MAP2K5: variants seen among roughly 807,000 people sequenced by gnomAD.
The protein encoded by MAP2K5 is mitogen-activated protein kinase kinase 5.
A neutral mutation model predicts 83.1 loss-of-function variants in MAP2K5; 49 were observed. The ratio of observed to expected loss-of-function variants is 0.59; its 90% CI spans 0.47 to 0.75. The LOEUF (loss-of-function observed/expected upper bound fraction) is 0.75. Ranked by LOEUF, MAP2K5 falls within the 30% of genes least tolerant of loss-of-function variation. MAP2K5 has a pLI of 0.00. For synonymous variants in MAP2K5, 202 were observed against 191.8 expected, an observed-to-expected ratio of 1.05 and a Z score of -0.44; for missense variants, 457 against 557.5, an observed-to-expected ratio of 0.82 and a Z score of 1.82.
chr15:67,694,957 T>G (rs1433715982), intron 15 of MAP2K5, among the ~76,000 whole-genome samples: 1 of 151,998 alleles, frequency 6.6e-6, no homozygotes, highest in Non-Finnish European at 1.5e-5. Flanking sequence ...ATGTCCTTTG[T>G]AGGGACATGG....
chr15:67,631,780 C>T (rs948654994), intron 9 of MAP2K5, among the ~76,000 whole-genome samples: 3 of 152,198 alleles, frequency 2.0e-5, no homozygotes, highest in Non-Finnish European at 4.4e-5. Context: ...CATCTTAAAT[C>T]TCAGATTTCC....
At position 67,638,690 on chromosome 15, in the gene MAP2K5, C is replaced by G. The variant is rs1467987952; in HGVS notation, c.586-7541C>G. On this transcript the variant is annotated intron_variant, in intron 9 of 21. Coordinates refer to ENST00000178640, the MANE Select transcript of MAP2K5 (RefSeq NM_145160.3). The surrounding 1 kb of genome is among the most constrained non-coding windows in gnomAD (Gnocchi z 4.5). ...TTGAACTAATTTACACTCCTTCCAA[C>G]AGTATATAAGCATTCCTTTTTCTCC... Among the ~76,000 whole-genome samples the G allele has an allele frequency of 6.6e-6, 1 of 152,200 alleles. No homozygotes were observed. Among genetic ancestry groups the G allele is most frequent in the African/African-American group, 2.4e-5 (1 of 41,450 alleles).
intron 9 of MAP2K5, among the ~76,000 whole-genome samples, chr15:67,635,078 G>A (rs960062094): frequency 2.6e-5 from 4 of 151,622 alleles, no homozygotes; most frequent in East Asian, 1.9e-4. Context: ...TTACAGTGGT[G>A]TATTTTCATT....
chr15:67,649,377 G>A (rs2086903131), intron 11 of MAP2K5, among the ~76,000 whole-genome samples: 1 of 151,038 alleles, frequency 6.6e-6, no homozygotes, highest in Admixed American at 6.6e-5. Flanking sequence ...TTTTTGAGCT[G>A]CGGTCTCATT....
In MAP2K5 at chr15:67,748,356, A is replaced by G. The variant is rs2089649432; in HGVS notation, c.1101+99A>G. On this transcript the variant is annotated intron_variant, in intron 18 of 21. Coordinates refer to ENST00000178640, the MANE Select transcript of MAP2K5 (RefSeq NM_145160.3). The surrounding 1 kb of genome is among the most constrained non-coding windows in gnomAD (Gnocchi z 4.0). ...CCTTGTTTTAAACTTAGCAAATTGC[A>G]TTTTGAAGAAAATGCAAACCTTTAA... 2 of 1,119,352 alleles carry G rather than the reference A, an allele frequency of 1.8e-6. No homozygotes were observed. The highest frequency in any genetic ancestry group is 2.7e-6 in the Non-Finnish European group (2 of 748,596). 69.3% of individuals were successfully genotyped at this position (1,119,352 alleles called of 1,614,324 possible).
intron 17 of MAP2K5, among the ~76,000 whole-genome samples, chr15:67,739,760 C>G (rs1041957200): frequency 3.3e-5 from 5 of 151,934 alleles, no homozygotes; most frequent in Non-Finnish European, 7.4e-5. Context: ...GGATTACAGG[C>G]ATGAGCCACT....
intron 13 of MAP2K5, among the ~76,000 whole-genome samples, chr15:67,667,784 G>A (rs940591518): frequency 1.3e-5 from 2 of 152,142 alleles, no homozygotes; most frequent in Admixed American, 6.6e-5. Flanking sequence ...CTTGGAATAC[G>A]GTGGTCCAGA....
In MAP2K5 at chr15:67,565,189, C is replaced by G. The variant is rs189250505; in HGVS notation, c.252+1839C>G. Among the ~76,000 whole-genome samples, 255 of 152,244 alleles carry G rather than the reference C, an allele frequency of 1.7e-3. 1 individual carries two copies. The highest frequency in any genetic ancestry group is 2.7e-3 in the Admixed American group (41 of 15,290). ...TTACTGTTTTACACTGTCTCTCCCC[C>G]ACCTTCCTCTTTGCAGGATTTTTTT... On this transcript the variant is annotated intron_variant, in intron 3 of 21. Coordinates refer to ENST00000178640, the MANE Select transcript of MAP2K5 (RefSeq NM_145160.3). This position sits in a 1 kb window ranked among gnomAD's most constrained non-coding sequence, Gnocchi z 4.1.
chr15:67,731,296 G>A (rs2141251434), intron 17 of MAP2K5, among the ~76,000 whole-genome samples: 2 of 152,280 alleles, frequency 1.3e-5, no homozygotes, highest in South Asian at 4.1e-4. Context: ...TACCCAGTGA[G>A]GTCGCAGAGA....
At chr15:67,648,271 T>G (rs2086873110) in intron 11 of MAP2K5, among the ~76,000 whole-genome samples, 1 of 152,226 alleles carries the variant, frequency 6.6e-6, no homozygotes, top group African/African-American at 2.4e-5. Context: ...CTGATTTATC[T>G]TCTGTCTCTA....
At chr15:67,626,001 AT>A (rs890267827) in intron 8 of MAP2K5, among the ~76,000 whole-genome samples, 6 of 152,178 alleles carry the variant, frequency 3.9e-5, no homozygotes, top group Non-Finnish European at 7.4e-5. Context: ...GGTGTTGCTT[AT>A]TCGAAGTAAC....
chr15:67,772,926 C>T (rs2090169070), intron 21 of MAP2K5, among the ~76,000 whole-genome samples, 174 bp downstream of exon 21: 1 of 152,154 alleles, frequency 6.6e-6, no homozygotes, highest in Non-Finnish European at 1.5e-5. Flanking sequence ...ATAGTGTTTA[C>T]TTTTTAAAAA....
intron 6 of MAP2K5, among the ~76,000 whole-genome samples, chr15:67,590,469 C>CTCTCTCTCTCTCTCTCTCAT: frequency 1.8e-4 from 3 of 16,840 alleles, no homozygotes; most frequent in Non-Finnish European, 4.5e-4. Flanking sequence ...CTCTCTCTCT[C>CTCTCTCTCTCTCTCTCTCAT]TCTCTCTTTG....
intron 11 of MAP2K5, among the ~76,000 whole-genome samples, chr15:67,657,726 A>C (rs1432021018): frequency 6.6e-6 from 1 of 151,968 alleles, no homozygotes; most frequent in Non-Finnish European, 1.5e-5. Flanking sequence ...GTAGCCATAT[A>C]TATATATATA....
rs756122864 is a variant in MAP2K5 at position 67,693,499 on chromosome 15, A to G, written c.922-19A>G. 1 of 1,598,560 alleles carries G rather than the reference A, an allele frequency of 6.3e-7. No individual in the cohort carries two copies. The highest frequency in any genetic ancestry group is 1.1e-5 in the South Asian group (1 of 90,044). On this transcript the variant is annotated intron_variant, in intron 14 of 21. Transcript: ENST00000178640. ...CACATTATCTTTATATTGTTCTAAC[A>G]GACTGTTTTGTCTCATAGCTGGTGA...
At chr15:67,642,623 G>A (rs1001944312) in intron 9 of MAP2K5, 2 of 691,278 alleles carry the variant, frequency 2.9e-6, no homozygotes, top group African/African-American at 1.8e-5. Context: ...AGGAGCAAAG[G>A]CTGTAAGTAG....
At position 67,640,477 on chromosome 15, in the gene MAP2K5, A is replaced by G. The variant is rs2086688356; in HGVS notation, c.586-5754A>G. On this transcript the variant is annotated intron_variant, in intron 9 of 21. Transcript: ENST00000178640. The surrounding 1 kb of genome is among the most constrained non-coding windows in gnomAD (Gnocchi z 4.6). ...TTCAAGCATGTCACTTGAACCTCCC[A>G]GTGACCTCAGCTGTGAAACGGGGCT... 3 of 503,178 alleles carry G rather than the reference A, an allele frequency of 6.0e-6. No homozygotes were observed. The highest frequency in any genetic ancestry group is 7.7e-6 in the Non-Finnish European group (3 of 389,042). 31.2% of individuals were successfully genotyped at this position (503,178 alleles called of 1,614,324 possible).
At chr15:67,723,440 A>T (rs904460506) in intron 16 of MAP2K5, among the ~76,000 whole-genome samples, 1 of 152,196 alleles carries the variant, frequency 6.6e-6, no homozygotes, top group East Asian at 1.9e-4. Context: ...TTAGTTGTTT[A>T]CTGCTATTTA....
At chr15:67,732,680 T>G (rs1404664224) in intron 17 of MAP2K5, among the ~76,000 whole-genome samples, 1 of 152,124 alleles carries the variant, frequency 6.6e-6, no homozygotes, top group East Asian at 1.9e-4. Context: ...TTTCAAAAAT[T>G]CCGACTCCCC....
Sources: allele counts gnomAD v4.1 joint callset (sites outside exome capture counted in the v4.1 genomes callset), GRCh38; gene constraint gnomAD v4.1.1; non-coding constraint Gnocchi (gnomAD v3.1); transcripts MANE v1.5; gene names NCBI Gene and HGNC (gene_info 2026-07-23, HGNC 2026-07-21).